The following ANTXR1 variants were observed in gnomAD, a reference collection of about 807,000 sequenced individuals.
ANTXR1 encodes the protein anthrax toxin receptor 1.
In ANTXR1, 19 loss-of-function variants were observed where a neutral mutation model predicts 78.1. The observed-to-expected ratio is 0.24, with a 90% confidence interval of 0.17 to 0.36. The LOEUF (loss-of-function observed/expected upper bound fraction) is 0.36, where lower values mean the gene tolerates loss of function less well. ANTXR1 is among the 10% of genes least tolerant of loss of function. ANTXR1 has a pLI of 1.00. For missense variants in ANTXR1, 518 were observed against 718.6 expected, an observed-to-expected ratio of 0.72 and a Z score of 3.19; for synonymous variants, 273 against 260.5, an observed-to-expected ratio of 1.05 and a Z score of -0.46.
chr2:69,045,902 C>T, intron 3 of ANTXR1, among the ~76,000 whole-genome samples: 1 of 152,112 alleles, frequency 6.6e-6, no homozygotes, highest in East Asian at 1.9e-4. Flanking sequence ...CCAAGAATAG[C>T]AAACAGAACC....
rs116798955 is a variant in ANTXR1 at position 69,165,370 on chromosome 2, G to A, written c.1048-4878G>A. 7.8e-3 allele frequency among the ~76,000 whole-genome samples: 1,192 copies of A among 152,284 alleles called. 13 individuals carry two copies. The highest frequency in any genetic ancestry group is 0.027 in the African/African-American group (1,124 of 41,546). On this transcript the variant is annotated intron_variant, in intron 13 of 17. Transcript: ENST00000303714. ...CATTCAGCTCATGCAAAAAGGACACGGAGACACAAAAATACAACTTAAGAA... is the reference window on the plus strand; with the variant it reads ...CATTCAGCTCATGCAAAAAGGACACAGAGACACAAAAATACAACTTAAGAA...
At chr2:69,090,374 C>G (rs1558534579) in intron 8 of ANTXR1, among the ~76,000 whole-genome samples, 2 of 152,184 alleles carry the variant, frequency 1.3e-5, no homozygotes, top group Non-Finnish European at 1.5e-5. Context: ...AACCCACTCC[C>G]TTTCATTTGA....
intron 9 of ANTXR1, among the ~76,000 whole-genome samples, chr2:69,097,453 G>A (rs1282426695): frequency 6.6e-6 from 1 of 152,178 alleles, no homozygotes; most frequent in Non-Finnish European, 1.5e-5. Flanking sequence ...TGGAAATTTC[G>A]ATGTTTAAAA....
intron 17 of ANTXR1, among the ~76,000 whole-genome samples, chr2:69,227,849 G>A (rs1285114931): frequency 6.6e-6 from 1 of 152,196 alleles, no homozygotes; most frequent in Non-Finnish European, 1.5e-5. Context: ...TTGATGCAAA[G>A]GAAGCCACAC....
At position 69,013,845 on chromosome 2, in the gene ANTXR1, C is replaced by A. The variant is rs1246732101; in HGVS notation, c.152+194C>A. 6.6e-6 allele frequency among the ~76,000 whole-genome samples: 1 copy of A among 152,220 alleles called. No homozygotes were observed. Among genetic ancestry groups the A allele is most frequent in the Non-Finnish European group, 1.5e-5 (1 of 68,038 alleles). ...CTCCTCCCAGCCTCGGCTCCAGAGC[C>A]CGCAGCCGAGGCGACGCCGCTTGCT... is the stretch of plus-strand genomic sequence containing the variant. On this transcript the variant is annotated intron_variant, in intron 1 of 17. Coordinates refer to ENST00000303714, the MANE Select transcript of ANTXR1 (RefSeq NM_032208.3). The surrounding 1 kb of genome is among the most constrained non-coding windows in gnomAD (Gnocchi z 5.0).
At chr2:69,187,231 AC>A (rs1348507547) in intron 16 of ANTXR1, among the ~76,000 whole-genome samples, 4 of 151,778 alleles carry the variant, frequency 2.6e-5, no homozygotes, top group African/African-American at 9.7e-5. Context: ...CACACCAACC[AC>A]ACTTCCCCCC....
At chr2:69,187,424 A>AG (rs1271604967) in intron 16 of ANTXR1, among the ~76,000 whole-genome samples, 1 of 151,750 alleles carries the variant, frequency 6.6e-6, no homozygotes, top group Non-Finnish European at 1.5e-5. Context: ...AACCAAAAGA[A>AG]GAAAAAAAAA....
chr2:69,034,479 G>A (rs1339065399), intron 1 of ANTXR1, among the ~76,000 whole-genome samples: 1 of 152,212 alleles, frequency 6.6e-6, no homozygotes, highest in African/African-American at 2.4e-5. Flanking sequence ...CCAAGAAGAG[G>A]TCTGGACCCT....
chr2:69,161,587 G>T (rs1381880663), intron 13 of ANTXR1, among the ~76,000 whole-genome samples: 1 of 152,172 alleles, frequency 6.6e-6, no homozygotes, highest in Non-Finnish European at 1.5e-5. Flanking sequence ...ACAGTGGAAA[G>T]ATTCCTTTAT....
chr2:69,169,008 C>T (rs893611508), intron 13 of ANTXR1, among the ~76,000 whole-genome samples: 1 of 152,212 alleles, frequency 6.6e-6, no homozygotes, highest in Non-Finnish European at 1.5e-5. Context: ...GCAGAGATGA[C>T]GTTATCAATA....
chr2:69,102,583 G>A (rs1425185434), intron 9 of ANTXR1, among the ~76,000 whole-genome samples: 9 of 152,214 alleles, frequency 5.9e-5, no homozygotes, highest in East Asian at 1.9e-4. Context: ...GGTGTTCTGC[G>A]TTAGGAGGAC....
chr2:69,066,362 T>C (rs1282682754), intron 3 of ANTXR1, among the ~76,000 whole-genome samples: 1 of 152,140 alleles, frequency 6.6e-6, no homozygotes, highest in Non-Finnish European at 1.5e-5. Flanking sequence ...AATGGCATGA[T>C]CTTGGCTCAC....
intron 13 of ANTXR1, among the ~76,000 whole-genome samples, chr2:69,154,739 TG>T (rs1673480148): frequency 6.6e-6 from 1 of 152,098 alleles, no homozygotes. Flanking sequence ...CTAAAAAACG[TG>T]GGGTACGTGT....
intron 17 of ANTXR1, among the ~76,000 whole-genome samples, chr2:69,235,313 G>T (rs1179704905): frequency 6.6e-6 from 1 of 151,646 alleles, no homozygotes; most frequent in African/African-American, 2.4e-5. Context: ...ATGAGCCACC[G>T]TGCCCAGCCC....
At chr2:69,210,142 C>T (rs1675003987) in intron 17 of ANTXR1, among the ~76,000 whole-genome samples, 1 of 152,180 alleles carries the variant, frequency 6.6e-6, no homozygotes, top group Admixed American at 6.5e-5. Flanking sequence ...TGATGGATGG[C>T]TTATCCCTCT....
chr2:69,173,202 T>C (rs1272565028), intron 14 of ANTXR1, among the ~76,000 whole-genome samples: 1 of 152,172 alleles, frequency 6.6e-6, no homozygotes, highest in African/African-American at 2.4e-5. Flanking sequence ...CAGCTCTGCT[T>C]CTCTCTGGGA....
At chr2:69,066,342 G>C (rs1670399290) in intron 3 of ANTXR1, among the ~76,000 whole-genome samples, 1 of 151,806 alleles carries the variant, frequency 6.6e-6, no homozygotes. Context: ...TGTTCCCCAA[G>C]CTGGAGTGCA....
chr2:69,084,130 A>G (rs1670976238), intron 8 of ANTXR1, among the ~76,000 whole-genome samples: 1 of 152,218 alleles, frequency 6.6e-6, no homozygotes, highest in Non-Finnish European at 1.5e-5. Context: ...GAGACCCACT[A>G]TAAAAGCAAC....
At chr2:69,227,620 C>T (rs188071833) in intron 17 of ANTXR1, among the ~76,000 whole-genome samples, 68 of 152,232 alleles carry the variant, frequency 4.5e-4, no homozygotes, top group African/African-American at 1.3e-3. Context: ...TATAACTCTC[C>T]GGGAATAAAC....
Sources: allele counts gnomAD v4.1 joint callset (sites outside exome capture counted in the v4.1 genomes callset), GRCh38; gene constraint gnomAD v4.1.1; non-coding constraint Gnocchi (gnomAD v3.1); transcripts MANE v1.5; gene names NCBI Gene and HGNC (gene_info 2026-07-23, HGNC 2026-07-21).